Variants in TBX15 observed in about 807,000 individuals in gnomAD.
TBX15 encodes the protein T-box transcription factor TBX15.
In TBX15, 18 loss-of-function variants were observed where a neutral mutation model predicts 53.9. That is an observed-to-expected ratio of 0.33 (90% CI 0.23 to 0.49). TBX15 has a LOEUF of 0.49. Ranked by LOEUF, TBX15 falls within the 20% of genes least tolerant of loss-of-function variation. The probability of loss-of-function intolerance (pLI) is 0.98; values close to 1 mark genes in which losing one functional copy is unlikely to be tolerated. For missense variants in TBX15, 692 were observed against 749.5 expected (o/e 0.92, Z 0.90); for synonymous variants, 295 against 278.0 (o/e 1.06, Z -0.61).
intron 1 of TBX15, among the ~76,000 whole-genome samples, chr1:118,947,839 C>T (rs1656394695): frequency 6.6e-6 from 1 of 152,088 alleles, no homozygotes; most frequent in South Asian, 2.1e-4. Flanking sequence ...TCCATGCCTC[C>T]CCCAGCAGCA....
intron 6 of TBX15, among the ~76,000 whole-genome samples, chr1:118,905,783 A>G (rs1654797248): frequency 6.6e-6 from 1 of 152,248 alleles, no homozygotes; most frequent in South Asian, 2.1e-4. Context: ...ATGAAAATAT[A>G]GAAATTGAAA....
intron 1 of TBX15, among the ~76,000 whole-genome samples, chr1:118,935,453 T>C (rs1327094159): frequency 6.6e-6 from 1 of 152,144 alleles, no homozygotes; most frequent in Non-Finnish European, 1.5e-5. Flanking sequence ...TGATGCAGGA[T>C]TTCTTGGCTA....
chr1:118,939,436 A>AAAAAAAAAAAAAAAAAAT (rs1656088479), intron 1 of TBX15, among the ~76,000 whole-genome samples: 1 of 73,140 alleles, frequency 1.4e-5, no homozygotes, highest in Non-Finnish European at 2.6e-5. Context: ...AAAAAAAAAA[A>AAAAAAAAAAAAAAAAAAT]CAAAAACAGG....
chr1:118,960,645 A>G (rs1656841135), intron 1 of TBX15, among the ~76,000 whole-genome samples: 1 of 152,182 alleles, frequency 6.6e-6, no homozygotes, highest in South Asian at 2.1e-4. Context: ...ACAAGGTTTA[A>G]TTTATAGGAG....
chr1:118,931,903 G>A (rs1040182320), intron 1 of TBX15, 71 bp from the exon 2 acceptor site: 1 of 1,478,776 alleles, frequency 6.8e-7, no homozygotes, highest in African/African-American at 1.4e-5. Context: ...CTAAAAGATG[G>A]GGGTGGGAAA....
intron 6 of TBX15, 74 bp from the exon 7 acceptor site, chr1:118,899,199 G>A (rs1003316889): frequency 6.7e-6 from 9 of 1,342,576 alleles, no homozygotes; most frequent in Admixed American, 1.8e-5. Flanking sequence ...GAGATCCAGA[G>A]GTGGACTGTC....
At chr1:118,960,093 G>A (rs1656817573) in intron 1 of TBX15, among the ~76,000 whole-genome samples, 1 of 151,980 alleles carries the variant, frequency 6.6e-6, no homozygotes. Context: ...GAAGAGAAAA[G>A]GGAAGTCAGA....
chr1:118,979,589 C>T (rs1172366367), intron 1 of TBX15, among the ~76,000 whole-genome samples: 3 of 152,058 alleles, frequency 2.0e-5, no homozygotes, highest in Non-Finnish European at 2.9e-5. Flanking sequence ...CCCTTGGGTT[C>T]CATTTGCATT....
intron 6 of TBX15, among the ~76,000 whole-genome samples, chr1:118,905,473 G>C (rs373118067): frequency 2.6e-5 from 4 of 152,172 alleles, no homozygotes; most frequent in African/African-American, 9.7e-5. Flanking sequence ...TTAAGTACTG[G>C]ATAAAAGACT....
chr1:118,956,584 G>C (rs1165936693), intron 1 of TBX15, among the ~76,000 whole-genome samples: 1 of 152,042 alleles, frequency 6.6e-6, no homozygotes, highest in African/African-American at 2.4e-5. Context: ...AATCATTTTG[G>C]AAAATCATCC....
At chr1:118,889,213 G>A (rs945886134) in intron 7 of TBX15, among the ~76,000 whole-genome samples, 29 of 152,188 alleles carry the variant, frequency 1.9e-4, no homozygotes, top group African/African-American at 6.8e-4. Context: ...ATTTTTCAAA[G>A]TTCCCATAGA....
Position 118,932,149 on chromosome 1 carries a change from G to A in TBX15, c.206-317C>T, listed in dbSNP as rs17185933. On this transcript the variant is annotated intron_variant, in intron 1 of 7. Coordinates refer to ENST00000369429, the MANE Select transcript of TBX15 (RefSeq NM_001330677.2). ...AGTACTAATGTCACCATGTTGAAGA[G>A]AATGAGGCCAAACTGGGGCAACAAA... Among the ~76,000 whole-genome samples, 22,085 of 152,130 alleles carry A rather than the reference G, an allele frequency of 0.15. 1,948 individuals carry two copies. Among genetic ancestry groups the A allele is most frequent in the Non-Finnish European group, 0.18 (12,209 of 67,990 alleles).
At chr1:118,915,286 G>A (rs954616275) in intron 5 of TBX15, among the ~76,000 whole-genome samples, 3 of 152,182 alleles carry the variant, frequency 2.0e-5, no homozygotes, top group African/African-American at 7.2e-5. Flanking sequence ...ATTGTAGAAC[G>A]TATCACTAGG....
chr1:118,929,399 A>T (rs1655708412), intron 2 of TBX15, among the ~76,000 whole-genome samples: 1 of 152,240 alleles, frequency 6.6e-6, no homozygotes, highest in African/African-American at 2.4e-5. Context: ...AGTGAGAAGC[A>T]AGAAATTAAC....
intron 1 of TBX15, 131 bp downstream of exon 1, chr1:118,987,460 A>T: frequency 8.5e-7 from 1 of 1,172,494 alleles, no homozygotes; most frequent in Non-Finnish European, 1.2e-6. Context: ...ATTTGCGCGA[A>T]GAAACAGAAA....
At chr1:118,898,639 G>T (rs985751267) in intron 7 of TBX15, among the ~76,000 whole-genome samples, 6 of 152,034 alleles carry the variant, frequency 3.9e-5, no homozygotes, top group African/African-American at 1.5e-4. Context: ...CTAAGATTTT[G>T]CTCATCACGA....
Position 118,885,019 on chromosome 1 carries a change from C to T in TBX15, c.1522G>A (p.Ala508Thr), listed in dbSNP as rs763065596. The T allele has an allele frequency of 1.2e-5, 19 of 1,613,984 alleles. 1 individual carries two copies. Among genetic ancestry groups the T allele is most frequent in the Non-Finnish European group, 1.5e-5 (18 of 1,180,024 alleles). ...GSHMQQSSYN[A>T]FSLHNPYNLY... ...TTGTAAGGGTTGTGAAGGGAGAAGGCATTGTAGGAGCTCTGCTGCATGTGG... is the reference window on the plus strand; with the variant it reads ...TTGTAAGGGTTGTGAAGGGAGAAGGTATTGTAGGAGCTCTGCTGCATGTGG... The change falls in exon 8 of 8, where the codon GCC becomes ACC. Residue 508 changes from alanine to threonine, a missense_variant. Physicochemically the swap from Ala to Thr is moderately conservative, Grantham distance 58. This residue lies in a region of TBX15 where 375 missense variants were observed against 371.6 expected (regional missense o/e 1.01). Coordinates refer to ENST00000369429, the MANE Select transcript of TBX15 (RefSeq NM_001330677.2).
intron 1 of TBX15, among the ~76,000 whole-genome samples, chr1:118,956,523 A>C (rs2101667626): frequency 6.6e-6 from 1 of 152,334 alleles, no homozygotes; most frequent in Admixed American, 6.5e-5. Flanking sequence ...AGTTGCTGTA[A>C]ATTTTCTGTA....
chr1:118,981,200 G>T (rs1657634770), intron 1 of TBX15, among the ~76,000 whole-genome samples: 1 of 151,992 alleles, frequency 6.6e-6, no homozygotes, highest in Admixed American at 6.6e-5. Context: ...CCATTACCTG[G>T]AAGTTTCAAA....
Sources: allele counts gnomAD v4.1 joint callset (sites outside exome capture counted in the v4.1 genomes callset), GRCh38; gene constraint gnomAD v4.1.1; regional missense constraint gnomAD v4.1.1; transcripts MANE v1.5; gene names NCBI Gene and HGNC (gene_info 2026-07-23, HGNC 2026-07-21).